The following SPAG16 variants were observed in gnomAD, a reference collection of about 807,000 sequenced individuals.
SPAG16 encodes sperm associated antigen 16, also known as sperm-associated antigen 16 protein.
Under a neutral mutation model 80.4 loss-of-function variants are expected in SPAG16, and 86 were observed. That is an observed-to-expected ratio of 1.07 (90% CI 0.90 to 1.28). SPAG16 has a LOEUF of 1.28. Among genes scored for constraint, SPAG16 ranks in the 50% most tolerant of loss-of-function variants. The pLI, the probability that SPAG16 is intolerant of heterozygous loss-of-function variation, is 0.00. For synonymous variants in SPAG16, 294 were observed against 265.9 expected, an observed-to-expected ratio of 1.11 and a Z score of -1.03; for missense variants, 870 against 765.3, an observed-to-expected ratio of 1.14 and a Z score of -1.61.
At chr2:214,006,154 A>G (rs1372844229) in intron 12 of SPAG16, among the ~76,000 whole-genome samples, 1 of 152,172 alleles carries the variant, frequency 6.6e-6, no homozygotes, top group Non-Finnish European at 1.5e-5. Flanking sequence ...ATATCTTGCT[A>G]CTGTCTTTAT....
chr2:213,790,334 A>G (rs551150038), intron 10 of SPAG16, among the ~76,000 whole-genome samples: 42 of 152,030 alleles, frequency 2.8e-4, no homozygotes, highest in African/African-American at 8.9e-4. Context: ...CTCAACACTT[A>G]TTTAGGTTCA....
At chr2:214,179,642 C>T (rs548059727) in intron 15 of SPAG16, among the ~76,000 whole-genome samples, 9 of 151,268 alleles carry the variant, frequency 5.9e-5, no homozygotes, top group African/African-American at 1.5e-4. Flanking sequence ...AAAATGAATC[C>T]GATAGACAGT....
At chr2:213,567,389 G>C (rs1194069884) in intron 10 of SPAG16, among the ~76,000 whole-genome samples, 14 of 81,908 alleles carry the variant, frequency 1.7e-4, no homozygotes, top group Admixed American at 8.2e-4. Flanking sequence ...CCCCTCCCCC[G>C]ACCCCACCAC....
intron 15 of SPAG16, among the ~76,000 whole-genome samples, chr2:214,384,764 T>A (rs867973521): frequency 1.3e-5 from 2 of 152,214 alleles, no homozygotes; most frequent in Non-Finnish European, 2.9e-5. Context: ...TTCCAAAGCA[T>A]ATGGCTGCTG....
intron 10 of SPAG16, among the ~76,000 whole-genome samples, chr2:213,804,587 G>A (rs539804445): frequency 2.6e-5 from 4 of 152,314 alleles, no homozygotes; most frequent in Admixed American, 2.0e-4. Context: ...GGAGGCTGAG[G>A]CAGGAGAATG....
intron 9 of SPAG16, among the ~76,000 whole-genome samples, chr2:213,418,656 C>G (rs2069408389): frequency 1.3e-5 from 2 of 152,094 alleles, no homozygotes; most frequent in Admixed American, 1.3e-4. Flanking sequence ...TGGAATCTTG[C>G]TTTTGTTTTT....
chr2:214,035,121 C>T (rs551457196), intron 13 of SPAG16, among the ~76,000 whole-genome samples: 33 of 152,192 alleles, frequency 2.2e-4, no homozygotes, highest in African/African-American at 7.0e-4. Context: ...GAGAGGAGAC[C>T]GTGGGGTAGG....
intron 13 of SPAG16, among the ~76,000 whole-genome samples, chr2:214,080,622 A>T (rs959023754): frequency 6.6e-6 from 1 of 151,104 alleles, no homozygotes; most frequent in Non-Finnish European, 1.5e-5. Flanking sequence ...AAAAAAAAAA[A>T]TTAAAATAAA....
At chr2:213,499,144 C>CAATGAAATCCCTTCATGTGT (rs1390796470) in intron 10 of SPAG16, among the ~76,000 whole-genome samples, 1 of 152,080 alleles carries the variant, frequency 6.6e-6, no homozygotes, top group Non-Finnish European at 1.5e-5. Flanking sequence ...GCTCTATATT[C>CAATGAAATCCCTTCATGTGT]AATGAAATCC....
At chr2:213,419,157 T>C (rs1242142294) in intron 9 of SPAG16, among the ~76,000 whole-genome samples, 6 of 152,136 alleles carry the variant, frequency 3.9e-5, no homozygotes, top group Non-Finnish European at 8.8e-5. Context: ...CCTGTTTTTT[T>C]CCTAGTGCTA....
intron 10 of SPAG16, among the ~76,000 whole-genome samples, chr2:213,567,231 G>GTT (rs369737697): frequency 0.058 from 6,016 of 104,580 alleles, 485 homozygotes; most frequent in African/African-American, 0.19. Context: ...GTTTGACATT[G>GTT]TTTTTTTTTT....
intron 10 of SPAG16, among the ~76,000 whole-genome samples, chr2:213,687,898 T>A (rs925855705): frequency 6.6e-6 from 1 of 152,202 alleles, no homozygotes; most frequent in Non-Finnish European, 1.5e-5. Flanking sequence ...ATTCAAACTC[T>A]GTAAAATATT....
chr2:213,762,708 A>G (rs972941516), intron 10 of SPAG16, among the ~76,000 whole-genome samples: 30 of 152,242 alleles, frequency 2.0e-4, no homozygotes, highest in African/African-American at 5.8e-4. Flanking sequence ...GGAAAATTTT[A>G]TAACATTTGT....
intron 10 of SPAG16, among the ~76,000 whole-genome samples, chr2:213,809,524 A>G (rs2125662869): frequency 6.6e-6 from 1 of 152,316 alleles, no homozygotes; most frequent in Admixed American, 6.5e-5. Flanking sequence ...TAATTATATA[A>G]CAATTAAGGT....
At chr2:213,524,664 G>A (rs1398692104) in intron 10 of SPAG16, among the ~76,000 whole-genome samples, 2 of 152,226 alleles carry the variant, frequency 1.3e-5, no homozygotes, top group Non-Finnish European at 2.9e-5. Flanking sequence ...TTGACTTCCT[G>A]ACTGGATTTC....
intron 1 of SPAG16, among the ~76,000 whole-genome samples, chr2:213,293,372 G>A (rs1031220536): frequency 2.6e-5 from 4 of 152,160 alleles, no homozygotes; most frequent in Non-Finnish European, 5.9e-5. Flanking sequence ...ATGCTCTTGT[G>A]TAATCCTCAC....
intron 15 of SPAG16, among the ~76,000 whole-genome samples, chr2:214,223,030 T>C (rs572104079): frequency 1.3e-5 from 2 of 152,326 alleles, no homozygotes; most frequent in East Asian, 3.9e-4. Flanking sequence ...GTGGTTAATG[T>C]CAAAAATTTT....
chr2:214,320,459 C>T (rs540095703), intron 15 of SPAG16, among the ~76,000 whole-genome samples: 1 of 152,304 alleles, frequency 6.6e-6, no homozygotes, highest in East Asian at 1.9e-4. Flanking sequence ...AAGCCCCAAG[C>T]ATATATCCTG....
intron 11 of SPAG16, among the ~76,000 whole-genome samples, chr2:213,914,186 T>C (rs1215825871): frequency 6.6e-6 from 1 of 152,158 alleles, no homozygotes; most frequent in Non-Finnish European, 1.5e-5. Flanking sequence ...CTTATTGTAT[T>C]ATAAATTAAA....
Sources: gnomAD v4.1 joint callset for allele counts (sites outside exome capture counted in the v4.1 genomes callset) on GRCh38, gnomAD v4.1.1 for gene constraint, MANE v1.5 for transcripts, NCBI Gene and HGNC (gene_info 2026-07-23, HGNC 2026-07-21) for gene names.